Variants in FEV observed in about 807,000 individuals in gnomAD.
FEV encodes the protein protein FEV.
FEV carries 14 observed loss-of-function variants against 20.5 expected under a neutral mutation model. The ratio of observed to expected loss-of-function variants is 0.68; its 90% CI spans 0.45 to 1.07. The LOEUF (loss-of-function observed/expected upper bound fraction) is 1.07, where lower values mean the gene tolerates loss of function less well. Ranked by LOEUF, FEV falls within the 50% of genes least tolerant of loss-of-function variation. FEV has a pLI of 0.00. For missense variants in FEV, 301 were observed against 345.3 expected (o/e 0.87, Z 1.02); for synonymous variants, 188 against 163.7 (o/e 1.15, Z -1.13).
Position 218,981,772 on chromosome 2 carries a change from A to G in FEV, c.612T>C (p.Ala204=). ...YWPGPGPAAT[A]AAATAALYPS... is the part of the protein sequence containing the mutation. ...GGTAGAGCGCGGCGGTGGCGGCGGC[A>G]GCGGTGGCGGCGGGGCCCGGGCCCG... is the stretch of plus-strand genomic sequence containing the variant. The change falls in exon 3 of 3, where the codon GCT becomes GCC. Residue 204 remains alanine (A), a synonymous_variant. Transcript: ENST00000295727. The surrounding 1 kb of genome is among the most constrained non-coding windows in gnomAD (Gnocchi z 4.5). 7.1e-6 allele frequency: 9 copies of G among 1,268,148 alleles called. No individual in the cohort carries two copies. The highest frequency in any genetic ancestry group is 8.9e-6 in the Non-Finnish European group (9 of 1,014,284). The allele number at this position is 1,268,148 out of a possible 1,614,324, so 78.6% of individuals were successfully genotyped here. A position where few individuals can be genotyped will look rare whatever the true frequency, so the allele number is the denominator to read the frequency against.
At position 218,984,320 on chromosome 2, in the gene FEV, A is replaced by C; in HGVS notation, c.53-15T>G. 1 of 1,581,290 alleles carries C rather than the reference A, an allele frequency of 6.3e-7. No homozygotes were observed. ...TCCGACGGGATCTGCAAGCAGCAGA[A>C]GAAAAGAATCAGGAGAACCCCGGGC... On this transcript the variant is annotated splice_polypyrimidine_tract_variant and intron_variant, in intron 1 of 2. Coordinates refer to ENST00000295727, the MANE Select transcript of FEV (RefSeq NM_017521.3). The surrounding 1 kb of genome is among the most constrained non-coding windows in gnomAD (Gnocchi z 5.0).
intron 2 of FEV, 39 bp from the exon 3 acceptor site, chr2:218,982,295 G>C (rs1945397481): frequency 1.3e-6 from 2 of 1,512,226 alleles, no homozygotes; most frequent in African/African-American, 1.4e-5. Flanking sequence ...GCGGGAGCGG[G>C]GAGGCGGGAA....
chr2:218,982,691 C>T (rs1486032243), intron 2 of FEV, among the ~76,000 whole-genome samples: 2 of 152,220 alleles, frequency 1.3e-5, no homozygotes, highest in Non-Finnish European at 2.9e-5. Flanking sequence ...ACAGGGCGGC[C>T]TTGGGCAGAA....
chr2:218,981,406 C>T lies in FEV; in HGVS notation c.*261G>A, dbSNP rs1487774728. ...AGAGGTCCACAAATCCCCTCCGGGACCTGGAGACCTAGAAGAAAAAAAGTG... is the reference window on the plus strand; with the variant it reads ...AGAGGTCCACAAATCCCCTCCGGGATCTGGAGACCTAGAAGAAAAAAAGTG... On this transcript the variant is annotated 3_prime_UTR_variant, in exon 3 of 3. Coordinates refer to ENST00000295727, the MANE Select transcript of FEV (RefSeq NM_017521.3). This position sits in a 1 kb window ranked among gnomAD's most constrained non-coding sequence, Gnocchi z 4.5. The T allele has an allele frequency of 1.1e-5, 4 of 362,916 alleles. No individual in the cohort carries two copies. Among genetic ancestry groups the T allele is most frequent in the Admixed American group, 4.7e-5 (1 of 21,494 alleles). 22.5% of individuals were successfully genotyped at this position (362,916 alleles called of 1,614,324 possible). A position where few individuals can be genotyped will look rare whatever the true frequency, so the allele number is the denominator to read the frequency against.
In FEV at chr2:218,982,113, T is replaced by A; in HGVS notation, c.271A>T (p.Lys91Ter). Reference sequence around the variant, plus strand: ...TCGTAGTTCATGTTGGGCTTGCTCTTGCGCTCGCCCCACCGCCGCGCCACC... The same window carrying A: ...TCGTAGTTCATGTTGGGCTTGCTCTAGCGCTCGCCCCACCGCCGCGCCACC... The part of the protein sequence containing the change: ...DEVARRWGER[K>*]SKPNMNYDKL... Residue 91 changes from lysine to a stop codon, truncating the protein, a stop_gained, in exon 3 of 3, where the codon AAG becomes TAG. Transcript: ENST00000295727. LOFTEE classifies it high-confidence loss of function. 6.2e-7 allele frequency: 1 copy of A among 1,613,748 alleles called. No individual in the cohort carries two copies. The highest frequency in any genetic ancestry group is 8.5e-7 in the Non-Finnish European group (1 of 1,179,864).
chr2:218,982,076 C>T lies in FEV; in HGVS notation c.308G>A (p.Arg103His). ...KPNMNYDKLS[R>H]ALRYYYDKNI... ...CTTGTCGTAGTAGTAGCGCAGGGCG[C>T]GGCTCAGCTTGTCGTAGTTCATGTT... Residue 103 changes from arginine to histidine, a missense_variant, in exon 3 of 3, where the codon CGC becomes CAC. Arg to His is a conservative substitution (Grantham distance 29). Transcript: ENST00000295727. 1 of 1,613,862 alleles carries T rather than the reference C, an allele frequency of 6.2e-7. No individual in the cohort carries two copies. Among genetic ancestry groups the T allele is most frequent in the Non-Finnish European group, 8.5e-7 (1 of 1,179,872 alleles).
chr2:218,984,994 T>C lies in FEV; in HGVS notation c.52+30A>G. 1 of 1,545,722 alleles carries C rather than the reference T, an allele frequency of 6.5e-7. No homozygotes were observed. The highest frequency in any genetic ancestry group is 2.4e-5 in the East Asian group (1 of 40,872). On this transcript the variant is annotated intron_variant, in intron 1 of 2. Transcript: ENST00000295727. The surrounding 1 kb of genome is among the most constrained non-coding windows in gnomAD (Gnocchi z 5.0). ...CTAGACTTCCCGCCCCAGGTTCCGG[T>C]GCCACCAGCCTCCGGCTGGTCCCTG... is the stretch of plus-strand genomic sequence containing the variant.
At chr2:218,983,903 G>T (rs1945413836) in intron 2 of FEV, among the ~76,000 whole-genome samples, 1 of 152,182 alleles carries the variant, frequency 6.6e-6, no homozygotes, top group Non-Finnish European at 1.5e-5. Flanking sequence ...GCCGGCTGGT[G>T]CTGCGGCCTT....
chr2:218,982,145 G>C lies in FEV; in HGVS notation c.239C>G (p.Pro80Arg). Residue 80 changes from proline (P) to arginine (R), a missense_variant, in exon 3 of 3, where the codon CCG becomes CGG. Coordinates refer to ENST00000295727, the MANE Select transcript of FEV (RefSeq NM_017521.3). ...GCCCCACCGCCGCGCCACCTCGTCC[G>C]GGTCCGTGAGCTTGAACTCGCCGTG... The part of the protein sequence containing the change: ...GGHGEFKLTD[P>R]DEVARRWGER... The C allele has an allele frequency of 6.2e-7, 1 of 1,613,492 alleles. No homozygotes were observed. The highest frequency in any genetic ancestry group is 8.5e-7 in the Non-Finnish European group (1 of 1,179,870).
rs539557613 is a variant in FEV, at chr2:218,982,833, C to A, written c.128-577G>T. The stretch of plus-strand genomic sequence containing the variant: ...GTCCCCAAAGACGTAGTTGGACAGG[C>A]TACTCCTGAGGTGGAGTGGTGGCTG... On this transcript the variant is annotated intron_variant, in intron 2 of 2. Coordinates refer to ENST00000295727, the MANE Select transcript of FEV (RefSeq NM_017521.3). 3.3e-5 allele frequency among the ~76,000 whole-genome samples: 5 copies of A among 152,314 alleles called. 1 individual carries two copies. In the South Asian group the frequency reaches 1.0e-3, roughly 32 times the overall value.
chr2:218,984,996 C>A lies in FEV; in HGVS notation c.52+28G>T. The A allele has an allele frequency of 6.5e-7, 1 of 1,546,010 alleles. No individual in the cohort carries two copies. Among genetic ancestry groups the A allele is most frequent in the Non-Finnish European group, 8.8e-7 (1 of 1,142,364 alleles). On this transcript the variant is annotated intron_variant, in intron 1 of 2. Coordinates refer to ENST00000295727, the MANE Select transcript of FEV (RefSeq NM_017521.3). This position sits in a 1 kb window ranked among gnomAD's most constrained non-coding sequence, Gnocchi z 5.0. ...AGACTTCCCGCCCCAGGTTCCGGTG[C>A]CACCAGCCTCCGGCTGGTCCCTGGT...
chr2:218,984,132 A>T lies in FEV; in HGVS notation c.127+99T>A. ...CAACCAGGCCAGGACTCCGGGCTTC[A>T]GTGTGAACCCTGGGTCCACACTGCT... On this transcript the variant is annotated intron_variant, in intron 2 of 2. Coordinates refer to ENST00000295727, the MANE Select transcript of FEV (RefSeq NM_017521.3). This position sits in a 1 kb window ranked among gnomAD's most constrained non-coding sequence, Gnocchi z 5.0. The T allele has an allele frequency of 8.2e-7, 1 of 1,218,810 alleles. No homozygotes were observed. The highest frequency in any genetic ancestry group is 1.5e-5 in the South Asian group (1 of 68,366). 75.5% of individuals were successfully genotyped at this position (1,218,810 alleles called of 1,614,324 possible). A position where few individuals can be genotyped will look rare whatever the true frequency, so the allele number is the denominator to read the frequency against.
rs1429326073 is a variant in FEV at position 218,981,571 on chromosome 2, G to T, written c.*96C>A. The T allele has an allele frequency of 4.0e-6, 4 of 993,228 alleles. No individual in the cohort carries two copies. Among genetic ancestry groups the T allele is most frequent in the Non-Finnish European group, 5.2e-6 (4 of 768,784 alleles). 61.5% of individuals were successfully genotyped at this position (993,228 alleles called of 1,614,324 possible). ...TGGAGTAAACTCTGGATTAGAGGAC[G>T]GTTGACGGAGGCTCCCGGGCCCTCC... On this transcript the variant is annotated 3_prime_UTR_variant, in exon 3 of 3. Transcript: ENST00000295727. The surrounding 1 kb of genome is among the most constrained non-coding windows in gnomAD (Gnocchi z 4.5).
rs1559099201 is a variant in FEV, at chr2:218,981,599, G to C, written c.*68C>G. On this transcript the variant is annotated 3_prime_UTR_variant, in exon 3 of 3. Coordinates refer to ENST00000295727, the MANE Select transcript of FEV (RefSeq NM_017521.3). The surrounding 1 kb of genome is among the most constrained non-coding windows in gnomAD (Gnocchi z 4.5). Reference sequence around the variant, plus strand: ...TGACGGAGGCTCCCGGGCCCTCCCCGGGATGCCGATGGGATCGGGCGAGAC... The same window carrying C: ...TGACGGAGGCTCCCGGGCCCTCCCCCGGATGCCGATGGGATCGGGCGAGAC... 9 of 1,197,074 alleles carry C rather than the reference G, an allele frequency of 7.5e-6. No individual in the cohort carries two copies. Among genetic ancestry groups the C allele is most frequent in the Middle Eastern group, 2.4e-4 (1 of 4,240 alleles). The allele number at this position is 1,197,074 out of a possible 1,614,324, so 74.2% of individuals were successfully genotyped here. A position where few individuals can be genotyped will look rare whatever the true frequency, so the allele number is the denominator to read the frequency against.
rs1945419759 is a variant in FEV at position 218,984,409 on chromosome 2, G to C, written c.53-104C>G. The C allele has an allele frequency of 1.7e-6, 2 of 1,162,124 alleles. No individual in the cohort carries two copies. Among genetic ancestry groups the C allele is most frequent in the Admixed American group, 5.8e-5 (2 of 34,546 alleles). 72.0% of individuals were successfully genotyped at this position (1,162,124 alleles called of 1,614,324 possible). ...CTTAAGGGGGGTGCTGTGGTCCCCA[G>C]GCGCGAGGCTGGGGGCCCGGGCCAC... On this transcript the variant is annotated intron_variant, in intron 1 of 2. Transcript: ENST00000295727. The surrounding 1 kb of genome is among the most constrained non-coding windows in gnomAD (Gnocchi z 5.0).
chr2:218,984,411 CGCGA>C lies in FEV; in HGVS notation c.53-110_53-107del. ...TAAGGGGGGTGCTGTGGTCCCCAGG[CGCGA>C]GGCTGGGGGCCCGGGCCACCCGGCT... On this transcript the variant is annotated intron_variant, in intron 1 of 2. Coordinates refer to ENST00000295727, the MANE Select transcript of FEV (RefSeq NM_017521.3). This position sits in a 1 kb window ranked among gnomAD's most constrained non-coding sequence, Gnocchi z 5.0. 1 of 1,152,066 alleles carries C rather than the reference CGCGA, an allele frequency of 8.7e-7. No individual in the cohort carries two copies. Among genetic ancestry groups the C allele is most frequent in the South Asian group, 1.8e-5 (1 of 55,574 alleles). The allele number at this position is 1,152,066 out of a possible 1,614,324, so 71.4% of individuals were successfully genotyped here. A position where few individuals can be genotyped will look rare whatever the true frequency, so the allele number is the denominator to read the frequency against.
In FEV at chr2:218,981,250, T is replaced by A. The variant is rs1945381486; in HGVS notation, c.*417A>T. 1 of 231,344 alleles carries A rather than the reference T, an allele frequency of 4.3e-6. No individual in the cohort carries two copies. Among genetic ancestry groups the A allele is most frequent in the Non-Finnish European group, 8.5e-6 (1 of 117,226 alleles). 14.3% of individuals were successfully genotyped at this position (231,344 alleles called of 1,614,324 possible). ...AGGAGGACCGTGAGAGGCCTCCACG[T>A]GCTGAGGTGGGAGCAGTTCCTTGGG... On this transcript the variant is annotated 3_prime_UTR_variant, in exon 3 of 3. Transcript: ENST00000295727. This position sits in a 1 kb window ranked among gnomAD's most constrained non-coding sequence, Gnocchi z 4.5.
chr2:218,983,254 A>G (rs1243026158), intron 2 of FEV, among the ~76,000 whole-genome samples: 1 of 152,226 alleles, frequency 6.6e-6, no homozygotes, highest in Admixed American at 6.5e-5. Flanking sequence ...TCAAGCAGAC[A>G]GGCAGAGAAA....
rs34573484 is a variant in FEV at position 218,984,388 on chromosome 2, A to AG, written c.53-84dup. Reference sequence around the variant, plus strand: ...CAAAAGGGCCCCGGGCCAAGGCTTAAGGGGGGTGCTGTGGTCCCCAGGCGC... The same window carrying AG: ...CAAAAGGGCCCCGGGCCAAGGCTTAAGGGGGGGTGCTGTGGTCCCCAGGCGC... On this transcript the variant is annotated intron_variant, in intron 1 of 2. Coordinates refer to ENST00000295727, the MANE Select transcript of FEV (RefSeq NM_017521.3). This position sits in a 1 kb window ranked among gnomAD's most constrained non-coding sequence, Gnocchi z 5.0. 10 of 1,358,654 alleles carry AG rather than the reference A, an allele frequency of 7.4e-6. No homozygotes were observed. Among genetic ancestry groups the AG allele is most frequent in the African/African-American group, 4.4e-5 (3 of 68,182 alleles). 84.2% of individuals were successfully genotyped at this position (1,358,654 alleles called of 1,614,324 possible).
Sources: gnomAD v4.1 joint callset for allele counts (sites outside exome capture counted in the v4.1 genomes callset) on GRCh38, gnomAD v4.1.1 for gene constraint, Gnocchi (gnomAD v3.1) non-coding constraint, MANE v1.5 for transcripts, NCBI Gene and HGNC (gene_info 2026-07-23, HGNC 2026-07-21) for gene names.